The following ODF2L variants were observed in gnomAD, a reference collection of about 807,000 sequenced individuals.
ODF2L encodes outer dense fiber of sperm tails 2 like.
In ODF2L, 76 loss-of-function variants were observed where a neutral mutation model predicts 86.3. The observed-to-expected ratio is 0.88, with a 90% CI of 0.73 to 1.07. The LOEUF (loss-of-function observed/expected upper bound fraction) is 1.07, where lower values mean the gene tolerates loss of function less well. ODF2L is among the 50% of genes least tolerant of loss of function. The probability of loss-of-function intolerance (pLI) is 0.00; values close to 1 mark genes in which losing one functional copy is unlikely to be tolerated. For missense variants in ODF2L, 748 were observed against 717.4 expected (o/e 1.04, Z -0.49); for synonymous variants, 241 against 231.3 (o/e 1.04, Z -0.38).
At chr1:86,373,291 C>T (rs1659935959) in intron 8 of ODF2L, among the ~76,000 whole-genome samples, 2 of 148,986 alleles carry the variant, frequency 1.3e-5, no homozygotes, top group Non-Finnish European at 3.0e-5. Flanking sequence ...CTGAACTTTC[C>T]ATTTTACTTT....
At chr1:86,387,433 T>C (rs544075190) in intron 1 of ODF2L, among the ~76,000 whole-genome samples, 2 of 152,354 alleles carry the variant, frequency 1.3e-5, no homozygotes, top group East Asian at 3.9e-4. Flanking sequence ...ACCTATAGTC[T>C]GTCTTATTAG....
intron 10 of ODF2L, 29 bp downstream of exon 10, chr1:86,370,989 A>C (rs1234978444): frequency 1.4e-6 from 2 of 1,471,784 alleles, no homozygotes; most frequent in East Asian, 4.7e-5. Context: ...TACACAATAC[A>C]TGCCTGCTCA....
intron 14 of ODF2L, chr1:86,355,421 A>G (rs1658470273): frequency 7.5e-7 from 1 of 1,328,926 alleles, no homozygotes; most frequent in Non-Finnish European, 1.0e-6. Context: ...ATTCAAGGAA[A>G]AAATTTTTTT....
chr1:86,382,483 T>C lies in ODF2L; in HGVS notation c.508-125A>G, dbSNP rs574472091. The C allele has an allele frequency of 2.2e-5, 32 of 1,483,190 alleles. No homozygotes were observed. In the East Asian group the frequency reaches 6.9e-4, roughly 32 times the overall value. The allele number at this position is 1,483,190 out of a possible 1,614,324, so 91.9% of individuals were successfully genotyped here. ...CAGCTGATAAAAAGCAAAGCACTACTTTACATAAACTGCCGCCCCTATTAC... is the reference window on the plus strand; with the variant it reads ...CAGCTGATAAAAAGCAAAGCACTACCTTACATAAACTGCCGCCCCTATTAC... On this transcript the variant is annotated intron_variant, in intron 6 of 17. Transcript: ENST00000317336.
At chr1:86,377,489 A>G (rs1249891079) in intron 7 of ODF2L, among the ~76,000 whole-genome samples, 1 of 152,148 alleles carries the variant, frequency 6.6e-6, no homozygotes, top group Non-Finnish European at 1.5e-5. Flanking sequence ...CTCCAACCCC[A>G]TATTTCTCTT....
intron 1 of ODF2L, among the ~76,000 whole-genome samples, chr1:86,391,489 T>C (rs10873776): frequency 0.32 from 48,169 of 152,052 alleles, 7,740 homozygotes; most frequent in East Asian, 0.41. Flanking sequence ...CATAGACCAA[T>C]GGAACAGAAT....
exon 7 of ODF2L, chr1:86,382,251 T>C (rs756157423): frequency 4.7e-5 from 75 of 1,609,240 alleles, no homozygotes; most frequent in Middle Eastern, 1.8e-4. Flanking sequence ...CCTTTACATA[T>C]TCTTTCAACT....
rs192472891 is a variant in ODF2L at position 86,377,801 on chromosome 1, C to A, written c.625-1383G>T. Among the ~76,000 whole-genome samples the A allele has an allele frequency of 1.2e-4, 19 of 152,342 alleles. 1 individual carries two copies. In the East Asian group the frequency reaches 2.5e-3, roughly 20 times the overall value. ...AGGCTCTGGGCCCAGCCCACAAAACCACTTTTTCCTCCTAGGCCTCTGGGC... is the reference window on the plus strand; with the variant it reads ...AGGCTCTGGGCCCAGCCCACAAAACAACTTTTTCCTCCTAGGCCTCTGGGC... On this transcript the variant is annotated intron_variant, in intron 7 of 17. Transcript: ENST00000317336.
At chr1:86,348,818 T>C (rs1657935206), downstream of ODF2L, 2 of 1,563,698 alleles carry the variant, frequency 1.3e-6, no homozygotes, top group African/African-American at 2.8e-5. Flanking sequence ...TCATTTTGAT[T>C]TTCCGACTTC....
At chr1:86,348,860 C>A, downstream of ODF2L, 1 of 1,553,712 alleles carries the variant, frequency 6.4e-7, no homozygotes, top group Non-Finnish European at 8.6e-7. Flanking sequence ...TTCAAACACA[C>A]TTCCTGATGT....
At chr1:86,372,501 A>C in exon 9 of ODF2L, 1 of 1,528,956 alleles carries the variant, frequency 6.5e-7, no homozygotes, top group Admixed American at 2.1e-5. Flanking sequence ...TGACTTTTCC[A>C]GGCATTGGAA....
intron 13 of ODF2L, chr1:86,357,781 G>C: frequency 1.0e-6 from 1 of 979,746 alleles, no homozygotes; most frequent in Non-Finnish European, 1.2e-6. Context: ...TTAAATACTA[G>C]TTAGAAAACA....
chr1:86,396,283 T>A (rs1661740120), exon 1 of ODF2L: 1 of 152,250 alleles, frequency 6.6e-6, no homozygotes, highest in African/African-American at 2.4e-5. Flanking sequence ...CCCGCTCAAG[T>A]GGAACAAAAG....
At chr1:86,382,491 A>C in intron 6 of ODF2L, 133 bp from the exon 7 acceptor site, 1 of 1,429,660 alleles carries the variant, frequency 7.0e-7, no homozygotes, top group Non-Finnish European at 9.3e-7. Context: ...ACTTTACATA[A>C]ACTGCCGCCC....
intron 9 of ODF2L, 71 bp from the exon 10 acceptor site, chr1:86,371,224 G>GTTA: frequency 2.5e-6 from 2 of 798,898 alleles, no homozygotes; most frequent in Non-Finnish European, 3.7e-6. Flanking sequence ...TTTTAAGTGT[G>GTTA]TTTCTGAAAT....
At chr1:86,377,677 G>T (rs1558044263) in intron 7 of ODF2L, among the ~76,000 whole-genome samples, 1 of 152,176 alleles carries the variant, frequency 6.6e-6, no homozygotes, top group African/African-American at 2.4e-5. Flanking sequence ...AAGGCTTGGG[G>T]CATCCACCCT....
In ODF2L at chr1:86,360,410, T is replaced by C. The variant is rs1658945220; in HGVS notation, c.1254+16A>G. ...CTACCAATTTTAGTAAACACTAAAA[T>C]AAATGCAGTAGTCACCTGAGTTTTA... On this transcript the variant is annotated intron_variant, in intron 12 of 17. Transcript: ENST00000317336. 9.0e-7 allele frequency: 1 copy of C among 1,109,506 alleles called. No individual in the cohort carries two copies. 68.7% of individuals were successfully genotyped at this position (1,109,506 alleles called of 1,614,324 possible). A position where few individuals can be genotyped will look rare whatever the true frequency, so the allele number is the denominator to read the frequency against.
At chr1:86,357,675 T>G (rs1264388819) in intron 13 of ODF2L, 1 of 838,042 alleles carries the variant, frequency 1.2e-6, no homozygotes, top group Non-Finnish European at 1.4e-6. Context: ...GATCCCTCAG[T>G]GTCCTTAAAA....
intron 7 of ODF2L, among the ~76,000 whole-genome samples, chr1:86,379,046 C>T (rs115391973): frequency 0.023 from 3,489 of 152,084 alleles, 67 homozygotes; most frequent in Non-Finnish European, 0.033. Context: ...GTGTGCAGCA[C>T]CTCCCTACTT....
Sources: gnomAD v4.1 joint callset for allele counts (sites outside exome capture counted in the v4.1 genomes callset) on GRCh38, gnomAD v4.1.1 for gene constraint, MANE v1.5 for transcripts, NCBI Gene and HGNC (gene_info 2026-07-23, HGNC 2026-07-21) for gene names.